Variants in TRPC6 observed in about 807,000 individuals in gnomAD.
TRPC6 encodes the protein short transient receptor potential channel 6.
Under a neutral mutation model 90.7 loss-of-function variants are expected in TRPC6, and 55 were observed. The ratio of observed to expected loss-of-function variants is 0.61; its 90% confidence interval spans 0.49 to 0.76. TRPC6 has a LOEUF of 0.76. Ranked by LOEUF, TRPC6 falls within the 30% of genes least tolerant of loss-of-function variation. The probability of loss-of-function intolerance (pLI) is 0.00; values close to 1 mark genes in which losing one functional copy is unlikely to be tolerated. For synonymous variants in TRPC6, 393 were observed against 393.0 expected (o/e 1.00, Z 0.00); for missense variants, 989 against 1,122.7 (o/e 0.88, Z 1.70).
intron 1 of TRPC6, among the ~76,000 whole-genome samples, chr11:101,517,437 GC>G (rs1254321739): frequency 6.6e-6 from 1 of 152,114 alleles, no homozygotes; most frequent in Non-Finnish European, 1.5e-5. Context: ...TTATTCCTAT[GC>G]TAGTAAATTT....
intron 1 of TRPC6, among the ~76,000 whole-genome samples, chr11:101,535,324 T>C (rs1175588329): frequency 6.6e-6 from 1 of 151,982 alleles, no homozygotes; most frequent in Non-Finnish European, 1.5e-5. Flanking sequence ...TGCTCAGAAG[T>C]AGCATGTTCT....
rs758436913 is a variant in TRPC6, at chr11:101,583,476, G to A, written c.28C>T (p.Arg10Trp). Residue 10 changes from arginine to tryptophan, a missense_variant, in exon 1 of 13, where the codon CGG (arginine) becomes TGG (tryptophan). Arg to Trp is a moderately radical substitution (Grantham distance 101). Transcript: ENST00000344327. Reference protein sequence around the residue: MSQSPAFGPRRGSSPRGAAG... With the variant: MSQSPAFGPWRGSSPRGAAG... ...GCGCCCCGGGGAGAACTGCCCCTCC[G>A]GGGCCCGAACGCCGGGCTCTGGCTC... is the stretch of plus-strand genomic sequence containing the variant. 3.3e-6 allele frequency: 5 copies of A among 1,515,272 alleles called. No homozygotes were observed. Among genetic ancestry groups the A allele is most frequent in the South Asian group, 1.2e-5 (1 of 81,890 alleles). The allele number at this position is 1,515,272 out of a possible 1,614,324, so 93.9% of individuals were successfully genotyped here.
At chr11:101,566,832 A>C (rs1693880861) in intron 1 of TRPC6, among the ~76,000 whole-genome samples, 1 of 151,986 alleles carries the variant, frequency 6.6e-6, no homozygotes, top group African/African-American at 2.4e-5. Context: ...TGTACCGTGC[A>C]CTCCAGCCCA....
At chr11:101,567,075 G>T (rs1204515037) in intron 1 of TRPC6, among the ~76,000 whole-genome samples, 1 of 151,764 alleles carries the variant, frequency 6.6e-6, no homozygotes, top group African/African-American at 2.4e-5. Flanking sequence ...GCGGGGTGGG[G>T]GGGGTCCAAC....
intron 1 of TRPC6, among the ~76,000 whole-genome samples, chr11:101,536,401 C>A: frequency 7.0e-6 from 1 of 142,790 alleles, no homozygotes; most frequent in Admixed American, 7.1e-5. Context: ...CCCCTCCCTC[C>A]CCCCCACCAA....
chr11:101,455,014 T>A lies in TRPC6; in HGVS notation c.2568+4A>T. 6.2e-7 allele frequency: 1 copy of A among 1,607,832 alleles called. No homozygotes were observed. Among genetic ancestry groups the A allele is most frequent in the Non-Finnish European group, 8.5e-7 (1 of 1,175,010 alleles). On this transcript the variant is annotated splice_donor_region_variant and intron_variant, in intron 11 of 12. Transcript: ENST00000344327. ...GTTTTATTCCTTTAAAAATCCATGC[T>A]TACCTGATATTGTCTTGGAGGATTA...
intron 1 of TRPC6, among the ~76,000 whole-genome samples, chr11:101,507,330 AT>A (rs144965095): frequency 0.17 from 24,244 of 145,662 alleles, 2,424 homozygotes; most frequent in African/African-American, 0.29. Flanking sequence ...TTAAGTGGGT[AT>A]TTTTTTTTTT....
chr11:101,510,199 C>T (rs1289601834), intron 1 of TRPC6, among the ~76,000 whole-genome samples: 4 of 152,074 alleles, frequency 2.6e-5, no homozygotes, highest in African/African-American at 7.3e-5. Context: ...CCTGCCTCTC[C>T]TATGCAAAAG....
intron 1 of TRPC6, among the ~76,000 whole-genome samples, chr11:101,509,996 C>G (rs1208542895): frequency 6.6e-6 from 1 of 152,044 alleles, no homozygotes; most frequent in Non-Finnish European, 1.5e-5. Flanking sequence ...TTGTTTTAGG[C>G]ATATTACAAA....
chr11:101,501,557 A>G (rs1384569254), intron 2 of TRPC6, among the ~76,000 whole-genome samples: 2 of 152,150 alleles, frequency 1.3e-5, no homozygotes, highest in Non-Finnish European at 2.9e-5. Context: ...TTAGTGTCCC[A>G]GTAGCCATGG....
chr11:101,501,837 C>G (rs1173022252), intron 2 of TRPC6, among the ~76,000 whole-genome samples: 5 of 152,060 alleles, frequency 3.3e-5, no homozygotes, highest in Non-Finnish European at 1.5e-5. Context: ...CTAGGATATA[C>G]TTTATAAAAG....
chr11:101,468,396 G>A (rs535348274), intron 10 of TRPC6, among the ~76,000 whole-genome samples: 6 of 152,290 alleles, frequency 3.9e-5, no homozygotes, highest in East Asian at 3.9e-4. Flanking sequence ...TAGGCCTTAA[G>A]AGGATTCCTA....
Position 101,471,356 on chromosome 11 carries a change from T to A in TRPC6, c.2236A>T (p.Arg746Trp). The stretch of plus-strand genomic sequence containing the variant: ...AAGTAGGAAAACCAGAGTTTGGCCC[T>A]TGCAAATTTCCACTCCACATCAGCG... ...DDADVEWKFA[R>W]AKLWFSYFEE... Residue 746 changes from arginine to tryptophan, a missense_variant, in exon 9 of 13, where the codon AGG becomes TGG. By Grantham distance (101) the Arg-to-Trp change is moderately radical (BLOSUM62 -3). Transcript: ENST00000344327. 6.2e-7 allele frequency: 1 copy of A among 1,613,888 alleles called. No homozygotes were observed. Among genetic ancestry groups the A allele is most frequent in the East Asian group, 2.2e-5 (1 of 44,870 alleles).
At chr11:101,462,305 T>C (rs183245909) in intron 10 of TRPC6, among the ~76,000 whole-genome samples, 2 of 152,286 alleles carry the variant, frequency 1.3e-5, no homozygotes, top group East Asian at 3.9e-4. Flanking sequence ...ACTCTCTTGG[T>C]TCCCTTTGAA....
At chr11:101,468,886 C>T (rs1027652543) in intron 10 of TRPC6, among the ~76,000 whole-genome samples, 2 of 152,160 alleles carry the variant, frequency 1.3e-5, no homozygotes, top group African/African-American at 4.8e-5. Flanking sequence ...TTTATTGTGG[C>T]CCTACTATGT....
At chr11:101,482,814 CAAAG>C (rs749452480) in intron 5 of TRPC6, 131 bp downstream of exon 5, 4 of 961,270 alleles carry the variant, frequency 4.2e-6, no homozygotes, top group Non-Finnish European at 6.5e-6. Flanking sequence ...TTTAGGAACA[CAAAG>C]AAAATTATGA....
chr11:101,502,735 G>A (rs564225918), intron 2 of TRPC6, among the ~76,000 whole-genome samples: 1 of 152,144 alleles, frequency 6.6e-6, no homozygotes, highest in Non-Finnish European at 1.5e-5. Flanking sequence ...CCAGGTAGCT[G>A]GAGGAAAAGC....
At chr11:101,482,362 T>C (rs1277843766) in intron 5 of TRPC6, among the ~76,000 whole-genome samples, 10 of 152,288 alleles carry the variant, frequency 6.6e-5, no homozygotes, top group Admixed American at 3.3e-4. Context: ...TAAAGACAAA[T>C]AGTATAGCAA....
At chr11:101,581,115 A>G (rs1862187214) in intron 1 of TRPC6, among the ~76,000 whole-genome samples, 1 of 152,236 alleles carries the variant, frequency 6.6e-6, no homozygotes, top group African/African-American at 2.4e-5. Flanking sequence ...TCTTACATGT[A>G]TTATAGTACC....
Sources: gnomAD v4.1 joint callset for allele counts (sites outside exome capture counted in the v4.1 genomes callset) on GRCh38, gnomAD v4.1.1 for gene constraint, MANE v1.5 for transcripts, NCBI Gene and HGNC (gene_info 2026-07-23, HGNC 2026-07-21) for gene names.